Variants in GMDS observed in about 807,000 individuals in gnomAD.
The protein encoded by GMDS is GDP-mannose 4,6 dehydratase.
Under a neutral mutation model 49.9 loss-of-function variants are expected in GMDS, and 20 were observed. The ratio of observed to expected loss-of-function variants is 0.40; its 90% confidence interval spans 0.28 to 0.58. The LOEUF (loss-of-function observed/expected upper bound fraction) is 0.58. Ranked by LOEUF, GMDS falls within the 20% of genes least tolerant of loss-of-function variation. The probability of loss-of-function intolerance (pLI) is 0.42; values close to 1 mark genes in which losing one functional copy is unlikely to be tolerated. For synonymous variants in GMDS, 177 were observed against 178.6 expected, an observed-to-expected ratio of 0.99 and a Z score of 0.07; for missense variants, 362 against 481.4, an observed-to-expected ratio of 0.75 and a Z score of 2.32.
chr6:1,722,034 T>A (rs9392326), intron 9 of GMDS, among the ~76,000 whole-genome samples: 57,760 of 146,510 alleles, frequency 0.39, 13,128 homozygotes, highest in South Asian at 0.59. Context: ...TCTCCAAAGA[T>A]CCTGGACTCC....
chr6:2,212,707 T>TTAA lies in GMDS; in HGVS notation c.102+32613_102+32614insTTA, dbSNP rs372781515. On this transcript the variant is annotated intron_variant, in intron 1 of 10. Coordinates refer to ENST00000380815, the MANE Select transcript of GMDS (RefSeq NM_001500.4). ...CTTATACCAAAATTAGATTAACTTG[T>TTAA]AAAAAAAAAAAAAAAAAAAAAACTA... Among the ~76,000 whole-genome samples, 398 of 113,570 alleles carry TTAA rather than the reference T, an allele frequency of 3.5e-3. 5 individuals are homozygous for TTAA. The highest frequency in any genetic ancestry group is 0.011 in the African/African-American group (370 of 32,588). The allele number at this position is 113,570 out of a possible 152,430, so 74.5% of individuals were successfully genotyped here. A position where few individuals can be genotyped will look rare whatever the true frequency, so the allele number is the denominator to read the frequency against.
At chr6:1,897,433 T>C (rs1429670366) in intron 7 of GMDS, among the ~76,000 whole-genome samples, 4 of 152,302 alleles carry the variant, frequency 2.6e-5, no homozygotes, top group East Asian at 3.9e-4. Flanking sequence ...ATTCAGCCCA[T>C]AGCAGAGGCT....
intron 7 of GMDS, among the ~76,000 whole-genome samples, chr6:1,895,562 C>T (rs1313465431): frequency 1.3e-5 from 2 of 152,196 alleles, no homozygotes; most frequent in Non-Finnish European, 2.9e-5. Flanking sequence ...GCCAGGGATA[C>T]TGTATTGAAC....
At chr6:2,045,889 T>A (rs543642155) in intron 4 of GMDS, among the ~76,000 whole-genome samples, 1 of 152,170 alleles carries the variant, frequency 6.6e-6, no homozygotes, top group South Asian at 2.1e-4. Context: ...AAAAACAATA[T>A]GCATATATGA....
intron 9 of GMDS, among the ~76,000 whole-genome samples, chr6:1,631,779 A>T (rs1222529654): frequency 6.6e-6 from 1 of 152,130 alleles, no homozygotes; most frequent in Non-Finnish European, 1.5e-5. Flanking sequence ...GCCACTTCTT[A>T]AGCAACTCAA....
chr6:1,844,236 C>T (rs1389881385), intron 7 of GMDS, among the ~76,000 whole-genome samples: 1 of 151,916 alleles, frequency 6.6e-6, no homozygotes, highest in Non-Finnish European at 1.5e-5. Flanking sequence ...CTGTATTTTT[C>T]CTAGTGTGGT....
intron 1 of GMDS, among the ~76,000 whole-genome samples, chr6:2,243,490 G>A (rs1781711390): frequency 1.3e-5 from 2 of 152,132 alleles, no homozygotes. Context: ...CAGAGATTAG[G>A]TAAACTTGGT....
At chr6:1,895,027 C>T (rs993213457) in intron 7 of GMDS, among the ~76,000 whole-genome samples, 3 of 152,166 alleles carry the variant, frequency 2.0e-5, no homozygotes, top group Admixed American at 2.0e-4. Flanking sequence ...ACTTTATATT[C>T]CTTCCCATTT....
chr6:1,999,150 C>A (rs556897767), intron 4 of GMDS, among the ~76,000 whole-genome samples: 1 of 151,774 alleles, frequency 6.6e-6, no homozygotes, highest in African/African-American at 2.4e-5. Flanking sequence ...GGTGAAACCC[C>A]GTCTCTACTA....
chr6:2,120,413 C>A (rs1027819639), intron 2 of GMDS, among the ~76,000 whole-genome samples: 1 of 151,270 alleles, frequency 6.6e-6, no homozygotes, highest in Non-Finnish European at 1.5e-5. Context: ...AGGATTCTCA[C>A]AGATTAAGAA....
At chr6:1,736,600 T>C (rs1162023544) in intron 8 of GMDS, among the ~76,000 whole-genome samples, 1 of 152,170 alleles carries the variant, frequency 6.6e-6, no homozygotes, top group Non-Finnish European at 1.5e-5. Context: ...GTGTCACAGA[T>C]TTTACTCCAC....
intron 9 of GMDS, among the ~76,000 whole-genome samples, chr6:1,683,075 T>C (rs1320241116): frequency 6.6e-6 from 1 of 152,176 alleles, no homozygotes; most frequent in African/African-American, 2.4e-5. Flanking sequence ...CCTGTCTCTT[T>C]GGGACTGGCT....
At chr6:1,850,805 T>C (rs955177427) in intron 7 of GMDS, among the ~76,000 whole-genome samples, 10 of 152,192 alleles carry the variant, frequency 6.6e-5, no homozygotes, top group African/African-American at 2.4e-4. Flanking sequence ...CAACCTCACT[T>C]AAGTGTCATT....
intron 4 of GMDS, among the ~76,000 whole-genome samples, chr6:2,028,902 T>C (rs1768780002): frequency 6.6e-6 from 1 of 152,062 alleles, no homozygotes; most frequent in Non-Finnish European, 1.5e-5. Context: ...CCAGGATCCA[T>C]GCCAATAATG....
Position 1,624,116 on chromosome 6 carries a change from G to A in GMDS, c.*53C>T, listed in dbSNP as rs1762771123. 6.6e-7 allele frequency: 1 copy of A among 1,519,976 alleles called. No homozygotes were observed. The highest frequency in any genetic ancestry group is 9.0e-7 in the Non-Finnish European group (1 of 1,106,528). The allele number at this position is 1,519,976 out of a possible 1,614,324, so 94.2% of individuals were successfully genotyped here. ...CCCATCCCCGCAGCGCGTCTGCACC[G>A]GAGACTCTGCGGGGATTGTAGCCGG... is the stretch of plus-strand genomic sequence containing the variant. On this transcript the variant is annotated 3_prime_UTR_variant, in exon 11 of 11. Coordinates refer to ENST00000380815, the MANE Select transcript of GMDS (RefSeq NM_001500.4).
In GMDS at chr6:1,827,078, ATGTGTGTGTG is replaced by A. The variant is rs111813765; in HGVS notation, c.772-84502_772-84493del. 1.0e-2 allele frequency among the ~76,000 whole-genome samples: 1,246 copies of A among 125,210 alleles called. 11 individuals carry two copies. The highest frequency in any genetic ancestry group is 0.028 in the East Asian group (120 of 4,276). 82.1% of individuals were successfully genotyped at this position (125,210 alleles called of 152,430 possible). A position where few individuals can be genotyped will look rare whatever the true frequency, so the allele number is the denominator to read the frequency against. On this transcript the variant is annotated intron_variant, in intron 7 of 10. Coordinates refer to ENST00000380815, the MANE Select transcript of GMDS (RefSeq NM_001500.4). Reference sequence around the variant, plus strand: ...TACGCTGTCTCTTAAAAAAATATATATGTGTGTGTGTGTGTGTGTGTGTGTGTGTGTGTGT... The same window carrying A: ...TACGCTGTCTCTTAAAAAAATATATATGTGTGTGTGTGTGTGTGTGTGTGT...
chr6:2,240,302 T>C (rs576755829), intron 1 of GMDS, among the ~76,000 whole-genome samples: 2 of 152,358 alleles, frequency 1.3e-5, no homozygotes, highest in African/African-American at 4.8e-5. Flanking sequence ...AGAAATCTTT[T>C]ATTATTCTGT....
chr6:1,902,248 T>C (rs1760537674), intron 7 of GMDS, among the ~76,000 whole-genome samples: 1 of 152,234 alleles, frequency 6.6e-6, no homozygotes, highest in Non-Finnish European at 1.5e-5. Flanking sequence ...AGGCCATTCA[T>C]TCTCACTTGA....
chr6:1,973,786 T>C (rs1025666203), intron 4 of GMDS, among the ~76,000 whole-genome samples: 1 of 152,142 alleles, frequency 6.6e-6, no homozygotes, highest in African/African-American at 2.4e-5. Flanking sequence ...CTTTAGTTAA[T>C]AGATAAAATG....
Sources: allele counts gnomAD v4.1 joint callset (sites outside exome capture counted in the v4.1 genomes callset), GRCh38; gene constraint gnomAD v4.1.1; transcripts MANE v1.5; gene names NCBI Gene and HGNC (gene_info 2026-07-23, HGNC 2026-07-21).